Variants in SLC9D1 observed in about 807,000 individuals in gnomAD.
SLC9D1 encodes the protein putative LAG1-interacting protein.
the SLC9D1 span, chr13:113,520,439 G>C: frequency 4.4e-6 from 2 of 454,836 alleles, no homozygotes; most frequent in East Asian, 3.7e-5. Flanking sequence ...AGCTGAGATC[G>C]AGCCACTGCA....
chr13:113,525,979 CA>C, the SLC9D1 span, among the ~76,000 whole-genome samples: 46 of 151,724 alleles, frequency 3.0e-4, no homozygotes, highest in African/African-American at 8.2e-4. Context: ...TAGGAGACGA[CA>C]GCTCTGTGCC....
chr13:113,505,543 G>A, the SLC9D1 span: 1 of 152,208 alleles, frequency 6.6e-6, no homozygotes, highest in Non-Finnish European at 1.5e-5. Flanking sequence ...CAAAATATCG[G>A]TTGGAAAGCT....
At chr13:113,531,534 C>G in the SLC9D1 span, among the ~76,000 whole-genome samples, 1 of 149,846 alleles carries the variant, frequency 6.7e-6, no homozygotes, top group African/African-American at 2.5e-5. Context: ...ACGTGCAGAT[C>G]AAGAGCAGCA....
chr13:113,510,333 G>A, the SLC9D1 span: 13 of 1,614,204 alleles, frequency 8.1e-6, no homozygotes, highest in Middle Eastern at 1.6e-4. Flanking sequence ...TCAAACCCAC[G>A]CAGAGCGTCT....
chr13:113,516,410 T>C, the SLC9D1 span, among the ~76,000 whole-genome samples: 1 of 151,184 alleles, frequency 6.6e-6, no homozygotes, highest in South Asian at 2.1e-4. Context: ...ACTGAAAATA[T>C]AAAAATTAGC....
At chr13:113,540,477 C>T in the SLC9D1 span, among the ~76,000 whole-genome samples, 2 of 152,228 alleles carry the variant, frequency 1.3e-5, no homozygotes, top group African/African-American at 2.4e-5. Flanking sequence ...TTGCGTTTCT[C>T]TAATGACCAG....
the SLC9D1 span, chr13:113,503,893 G>C: frequency 3.4e-6 from 1 of 297,052 alleles, no homozygotes; most frequent in Admixed American, 4.8e-5. Flanking sequence ...CTGTTAGAGG[G>C]TCAGATGTCA....
the SLC9D1 span, chr13:113,505,148 G>T: frequency 6.6e-6 from 1 of 152,150 alleles, no homozygotes; most frequent in Admixed American, 6.5e-5. Flanking sequence ...TTTGGATGGG[G>T]TTGTTTGTTT....
the SLC9D1 span, among the ~76,000 whole-genome samples, chr13:113,539,839 C>T: frequency 6.6e-6 from 1 of 152,060 alleles, no homozygotes. This position sits in a 1 kb window ranked among gnomAD's most constrained non-coding sequence, Gnocchi z 4.8. Context: ...ATAGGACCCT[C>T]GGCAGTGTTT....
the SLC9D1 span, among the ~76,000 whole-genome samples, chr13:113,522,132 A>G: frequency 6.6e-6 from 1 of 152,172 alleles, no homozygotes; most frequent in Non-Finnish European, 1.5e-5. Flanking sequence ...GTAAGAGGAC[A>G]TCTTTGCCTT....
the SLC9D1 span, among the ~76,000 whole-genome samples, chr13:113,495,010 G>A: frequency 1.1e-4 from 17 of 152,178 alleles, 1 homozygote; most frequent in East Asian, 2.5e-3. Context: ...GATTACAGGC[G>A]TGCGCCACCA....
chr13:113,547,570 T>A, the SLC9D1 span, among the ~76,000 whole-genome samples: 1 of 152,292 alleles, frequency 6.6e-6, no homozygotes, highest in Admixed American at 6.5e-5. Flanking sequence ...TCTGGGTTTG[T>A]CCATGTGATC....
the SLC9D1 span, among the ~76,000 whole-genome samples, chr13:113,538,863 G>A: frequency 8.5e-5 from 13 of 152,234 alleles, no homozygotes; most frequent in African/African-American, 2.9e-4. Context: ...CCGGCGCGCT[G>A]ATGTGGCTGC....
chr13:113,494,103 C>T, the SLC9D1 span, among the ~76,000 whole-genome samples: 7 of 152,144 alleles, frequency 4.6e-5, no homozygotes, highest in Non-Finnish European at 7.3e-5. Flanking sequence ...GTTTCCAGGT[C>T]GGGGAATCTT....
chr13:113,504,583 G>A, the SLC9D1 span: 5 of 152,180 alleles, frequency 3.3e-5, no homozygotes, highest in Non-Finnish European at 5.9e-5. Flanking sequence ...GAGATCATAC[G>A]ACGTTTGATT....
the SLC9D1 span, among the ~76,000 whole-genome samples, chr13:113,522,324 AT>A: frequency 1.3e-5 from 2 of 151,930 alleles, no homozygotes; most frequent in Admixed American, 6.6e-5. Flanking sequence ...TGATTATGTA[AT>A]TTTTCTTTGT....
the SLC9D1 span, among the ~76,000 whole-genome samples, chr13:113,541,237 T>C: frequency 6.6e-6 from 1 of 151,936 alleles, no homozygotes; most frequent in East Asian, 1.9e-4. Context: ...ACACGATTGC[T>C]GATCACTGCC....
At chr13:113,511,121 A>G in the SLC9D1 span, among the ~76,000 whole-genome samples, 812 of 122,722 alleles carry the variant, frequency 6.6e-3, no homozygotes, top group East Asian at 0.019. Flanking sequence ...TCACTCGGAA[A>G]CCTAGGCAGG....
chr13:113,548,470 G>T, the SLC9D1 span: 1 of 1,594,506 alleles, frequency 6.3e-7, no homozygotes, highest in Non-Finnish European at 8.5e-7. Flanking sequence ...GCTTCCCCCC[G>T]CGGAGCGCTT....
Sources: gnomAD v4.1 joint callset for allele counts (sites outside exome capture counted in the v4.1 genomes callset) on GRCh38, gnomAD v4.1.1 for gene constraint, Gnocchi (gnomAD v3.1) non-coding constraint, MANE v1.5 for transcripts, NCBI Gene and HGNC (gene_info 2026-07-23, HGNC 2026-07-21) for gene names.